SCNN1B: variants seen among roughly 807,000 people sequenced by gnomAD.
SCNN1B encodes sodium channel epithelial 1 subunit beta.
A neutral mutation model predicts 65.3 loss-of-function variants in SCNN1B; 46 were observed. The observed-to-expected ratio is 0.70, with a 90% confidence interval of 0.56 to 0.90. The LOEUF is 0.90. Ranked by LOEUF, SCNN1B falls within the 40% of genes least tolerant of loss-of-function variation. The pLI is 0.00. For missense variants in SCNN1B, 751 were observed against 830.5 expected, an observed-to-expected ratio of 0.90 and a Z score of 1.18; for synonymous variants, 349 against 330.6, an observed-to-expected ratio of 1.06 and a Z score of -0.60.
rs143283464 is a variant in SCNN1B at position 23,294,750 on chromosome 16, T to G, written n.178+10946T>G. 1.1e-3 allele frequency among the ~76,000 whole-genome samples: 161 copies of G among 152,254 alleles called. 1 individual carries two copies. The highest frequency in any genetic ancestry group is 3.7e-3 in the African/African-American group (152 of 41,550). On this transcript the variant is annotated intron_variant and non_coding_transcript_variant, in intron 2 of 3. Coordinates refer to the SCNN1B transcript ENST00000569789. ...GCTCATGCCTGTTATCCCATCACTT[T>G]GGGAGGCCGAGGAGGGTGGATCACT...
chr16:23,376,373 T>C (rs529623880), intron 8 of SCNN1B, among the ~76,000 whole-genome samples: 15 of 148,426 alleles, frequency 1.0e-4, no homozygotes, highest in South Asian at 8.4e-4. Context: ...TGTGTGTGTG[T>C]GCACGTGCAT....
At chr16:23,280,325 A>G (rs1960767187) in intron 1 of SCNN1B, among the ~76,000 whole-genome samples, 1 of 151,852 alleles carries the variant, frequency 6.6e-6, no homozygotes, top group African/African-American at 2.4e-5. Flanking sequence ...CCCAGGCTCC[A>G]GTGATCCTCC....
At chr16:23,329,143 G>T (rs1169563565) in intron 1 of SCNN1B, among the ~76,000 whole-genome samples, 1 of 150,548 alleles carries the variant, frequency 6.6e-6, no homozygotes, top group African/African-American at 2.5e-5. Flanking sequence ...ACAGGGTCTC[G>T]CTCTGTCCCC....
intron 7 of SCNN1B, among the ~76,000 whole-genome samples, chr16:23,373,328 A>G (rs981767566): frequency 6.6e-6 from 1 of 152,060 alleles, no homozygotes; most frequent in Non-Finnish European, 1.5e-5. Flanking sequence ...GAGTCTTGCT[A>G]TGTTGCCCAG....
chr16:23,349,213 G>C (rs578115465), intron 2 of SCNN1B, among the ~76,000 whole-genome samples: 5 of 152,172 alleles, frequency 3.3e-5, no homozygotes, highest in Non-Finnish European at 7.4e-5. Flanking sequence ...GCCAGGTGCA[G>C]TGGCCTGTAA....
At chr16:23,340,505 T>A (rs1424734381) in intron 1 of SCNN1B, among the ~76,000 whole-genome samples, 1 of 152,202 alleles carries the variant, frequency 6.6e-6, no homozygotes, top group African/African-American at 2.4e-5. Context: ...TATGGACAAC[T>A]ACTTGTTTCA....
At chr16:23,343,829 CTACTT>C (rs1385849638) in intron 1 of SCNN1B, among the ~76,000 whole-genome samples, 3 of 152,220 alleles carry the variant, frequency 2.0e-5, no homozygotes, top group Admixed American at 1.3e-4. Flanking sequence ...GACTTAGTCT[CTACTT>C]TACTTGTTTG....
intron 3 of SCNN1B, 94 bp from the exon 4 acceptor site, chr16:23,355,205 C>T: frequency 7.7e-7 from 1 of 1,291,314 alleles, no homozygotes; most frequent in Non-Finnish European, 1.1e-6. Context: ...GCTGGCAAAG[C>T]ACAGCTCTTG....
At chr16:23,352,671 A>G in intron 2 of SCNN1B, 130 bp from the exon 3 acceptor site, 1 of 1,014,070 alleles carries the variant, frequency 9.9e-7, no homozygotes, top group Non-Finnish European at 1.5e-6. Flanking sequence ...CTGTTTATAA[A>G]TTACCCAGTC....
chr16:23,290,687 A>G (rs1336716630), intron 2 of SCNN1B, among the ~76,000 whole-genome samples: 1 of 152,102 alleles, frequency 6.6e-6, no homozygotes, highest in East Asian at 1.9e-4. Flanking sequence ...TAAAAAATTT[A>G]ATTTTAATTA....
At chr16:23,297,339 C>T (rs988815545), upstream of SCNN1B, among the ~76,000 whole-genome samples, 2 of 152,200 alleles carry the variant, frequency 1.3e-5, no homozygotes, top group Admixed American at 6.5e-5. Flanking sequence ...AGCTATTCCT[C>T]CTCACTTCCT....
At chr16:23,342,578 C>A (rs1962075613) in intron 1 of SCNN1B, among the ~76,000 whole-genome samples, 1 of 152,090 alleles carries the variant, frequency 6.6e-6, no homozygotes, top group Non-Finnish European at 1.5e-5. Context: ...GGTGTCCAAT[C>A]TTTTGGCTTC....
At chr16:23,316,655 A>G (rs1478316171) in intron 1 of SCNN1B, among the ~76,000 whole-genome samples, 5 of 150,878 alleles carry the variant, frequency 3.3e-5, no homozygotes, top group Non-Finnish European at 7.4e-5. Flanking sequence ...TGTCATCACC[A>G]TCACCATCCT....
chr16:23,376,551 T>G (rs1567318658), intron 8 of SCNN1B, among the ~76,000 whole-genome samples: 2 of 151,984 alleles, frequency 1.3e-5, no homozygotes, highest in Non-Finnish European at 2.9e-5. Context: ...AGAAGAGCCC[T>G]GCTGGGCTCA....
At chr16:23,355,125 C>CAGTA (rs1962390872) in intron 3 of SCNN1B, among the ~76,000 whole-genome samples, 174 bp from the exon 4 acceptor site, 1 of 152,138 alleles carries the variant, frequency 6.6e-6, no homozygotes, top group Non-Finnish European at 1.5e-5. Flanking sequence ...GTGTATGAGG[C>CAGTA]AGTAGCCCTT....
chr16:23,285,837 G>A (rs1208318356), intron 2 of SCNN1B, among the ~76,000 whole-genome samples: 1 of 152,092 alleles, frequency 6.6e-6, no homozygotes. Context: ...AGCTGGGCAT[G>A]GTAGTGCATG....
intron 2 of SCNN1B, among the ~76,000 whole-genome samples, chr16:23,349,755 A>G (rs551118511): frequency 6.6e-6 from 1 of 152,284 alleles, no homozygotes; most frequent in East Asian, 1.9e-4. Context: ...CATGCCCCAC[A>G]AAGTTGTCCC....
At chr16:23,302,235 T>A (rs1490123301), upstream of SCNN1B, 1 of 152,372 alleles carries the variant, frequency 6.6e-6, no homozygotes, top group African/African-American at 2.4e-5. Flanking sequence ...GCCAGGCCGG[T>A]AGCGCCCAGT....
intron 2 of SCNN1B, among the ~76,000 whole-genome samples, chr16:23,288,191 A>AT (rs563445812): frequency 2.6e-5 from 4 of 151,152 alleles, no homozygotes; most frequent in Admixed American, 1.3e-4. Flanking sequence ...CAAAGTATGG[A>AT]TTTTTTTTTC....
Sources: gnomAD v4.1 joint callset for allele counts (sites outside exome capture counted in the v4.1 genomes callset) on GRCh38, gnomAD v4.1.1 for gene constraint, MANE v1.5 for transcripts, NCBI Gene and HGNC (gene_info 2026-07-23, HGNC 2026-07-21) for gene names.